Variants in MMP26 observed in about 807,000 individuals in gnomAD.
MMP26 encodes the protein matrix metallopeptidase 26, also known as matrix metalloproteinase-26.
In MMP26, 33 loss-of-function variants were observed where a neutral mutation model predicts 31.0. The ratio of observed to expected loss-of-function variants is 1.06; its 90% CI spans 0.81 to 1.42. The LOEUF (loss-of-function observed/expected upper bound fraction) is 1.42. Ranked by LOEUF, MMP26 falls within the 40% of genes most tolerant of loss-of-function variation. The probability of loss-of-function intolerance (pLI) is 0.00; values close to 1 mark genes in which losing one functional copy is unlikely to be tolerated. For synonymous variants in MMP26, 122 were observed against 114.9 expected, an observed-to-expected ratio of 1.06 and a Z score of -0.40; for missense variants, 347 against 316.1, an observed-to-expected ratio of 1.10 and a Z score of -0.74.
At chr11:4,789,827 T>G (rs1223084263) in intron 2 of MMP26, among the ~76,000 whole-genome samples, 1 of 151,914 alleles carries the variant, frequency 6.6e-6, no homozygotes, top group African/African-American at 2.4e-5. Flanking sequence ...TTCACAGGTG[T>G]GAAGGATATC....
At chr11:4,986,222 T>C (rs540412147) in intron 2 of MMP26, among the ~76,000 whole-genome samples, 122 of 152,294 alleles carry the variant, frequency 8.0e-4, no homozygotes, top group African/African-American at 2.9e-3. Context: ...CCTATAAAAT[T>C]TTTATACTAT....
intron 1 of MMP26, among the ~76,000 whole-genome samples, chr11:4,747,198 A>G (rs949295538): frequency 6.6e-6 from 1 of 152,186 alleles, no homozygotes; most frequent in Admixed American, 6.5e-5. Context: ...TAGATATGAC[A>G]GAGGTATAGA....
chr11:4,968,129 G>C (rs1846620388), intron 2 of MMP26, among the ~76,000 whole-genome samples: 1 of 152,016 alleles, frequency 6.6e-6, no homozygotes, highest in East Asian at 1.9e-4. Flanking sequence ...TTGCTTCTGT[G>C]ACACCCAACA....
chr11:4,775,621 G>A lies in MMP26; in HGVS notation c.-145+8280G>A, dbSNP rs150801639. ...TATTTGGCTCATGGTTCTGCAGGCT[G>A]TACAGAAATCATGGTGTCAGCATCA... On this transcript the variant is annotated intron_variant, in intron 2 of 7. Transcript: ENST00000380390. Among the ~76,000 whole-genome samples, 162 of 152,238 alleles carry A rather than the reference G, an allele frequency of 1.1e-3. 1 individual carries two copies. Among genetic ancestry groups the A allele is most frequent in the African/African-American group, 3.8e-3 (159 of 41,538 alleles).
chr11:4,757,434 A>G (rs1391728581), intron 1 of MMP26, among the ~76,000 whole-genome samples: 1 of 152,150 alleles, frequency 6.6e-6, no homozygotes, highest in East Asian at 1.9e-4. Context: ...ACATTATTAG[A>G]TACCATATTA....
At chr11:4,708,094 A>T (rs529238085) in intron 1 of MMP26, among the ~76,000 whole-genome samples, 1 of 152,294 alleles carries the variant, frequency 6.6e-6, no homozygotes, top group South Asian at 2.1e-4. Context: ...CCCTATTATC[A>T]GGGCAGGAGT....
chr11:4,705,298 A>T (rs775375452), intron 1 of MMP26, among the ~76,000 whole-genome samples: 2 of 152,136 alleles, frequency 1.3e-5, no homozygotes, highest in South Asian at 2.1e-4. Flanking sequence ...TTAAATAAGG[A>T]GTTTGCGAGA....
intron 1 of MMP26, among the ~76,000 whole-genome samples, chr11:4,740,125 A>G (rs12226038): frequency 6.6e-6 from 1 of 152,002 alleles, no homozygotes; most frequent in South Asian, 2.1e-4. Flanking sequence ...AAATCAGTTT[A>G]TCATTCAGTT....
chr11:4,869,566 C>A (rs1391063644), intron 2 of MMP26, among the ~76,000 whole-genome samples: 1 of 152,134 alleles, frequency 6.6e-6, no homozygotes, highest in Non-Finnish European at 1.5e-5. Flanking sequence ...AGTCAGGAAA[C>A]AACAGGTGCT....
At chr11:4,706,713 G>A (rs916794232) in intron 1 of MMP26, among the ~76,000 whole-genome samples, 4 of 151,900 alleles carry the variant, frequency 2.6e-5, no homozygotes, top group Non-Finnish European at 5.9e-5. Flanking sequence ...CAGATCTCTG[G>A]AACTAATTCT....
chr11:4,819,502 C>A lies in MMP26; in HGVS notation c.-145+52161C>A, dbSNP rs142363551. ...TAAAATAATGAGGGAGAGAAAATTT[C>A]CAGAATCATCAACAAAATATGTATT... On this transcript the variant is annotated intron_variant, in intron 2 of 7. Coordinates refer to ENST00000380390, the MANE Select transcript of MMP26 (RefSeq NM_021801.5). Among the ~76,000 whole-genome samples, 10 of 147,832 alleles carry A rather than the reference C, an allele frequency of 6.8e-5. No individual in the cohort carries two copies. In the East Asian group the frequency reaches 2.0e-3, roughly 29 times the overall value.
intron 1 of MMP26, among the ~76,000 whole-genome samples, chr11:4,759,802 G>A (rs1460201434): frequency 2.0e-5 from 3 of 152,286 alleles, no homozygotes; most frequent in South Asian, 2.1e-4. Flanking sequence ...TTGCACATGC[G>A]TTGTTTCTCG....
At chr11:4,925,894 C>A (rs1044908994) in intron 2 of MMP26, among the ~76,000 whole-genome samples, 1 of 151,978 alleles carries the variant, frequency 6.6e-6, no homozygotes, top group Non-Finnish European at 1.5e-5. Flanking sequence ...ACTGGCAAAG[C>A]ATTGTAAGGG....
chr11:4,943,658 C>T (rs1446482928), intron 2 of MMP26: 1 of 360,100 alleles, frequency 2.8e-6, no homozygotes, highest in African/African-American at 2.1e-5. Context: ...CAGACATTGC[C>T]AAATGTCTCT....
Position 4,948,894 on chromosome 11 carries a change from C to T in MMP26, c.-144-39174C>T, listed in dbSNP as rs1289349629. ...TGGTTATGTTGTCAAGAATTCTCTCCTTCCACTGTTGCTTTTTCTCTTAGC... is the reference window on the plus strand; with the variant it reads ...TGGTTATGTTGTCAAGAATTCTCTCTTTCCACTGTTGCTTTTTCTCTTAGC... On this transcript the variant is annotated intron_variant, in intron 2 of 7. Transcript: ENST00000380390. Among the ~76,000 whole-genome samples the T allele has an allele frequency of 1.6e-5, 2 of 124,606 alleles. 1 individual carries two copies. The highest frequency in any genetic ancestry group is 3.6e-5 in the Non-Finnish European group (2 of 54,800). The allele number at this position is 124,606 out of a possible 152,430, so 81.7% of individuals were successfully genotyped here.
chr11:4,749,530 C>G (rs1026327617), intron 1 of MMP26, among the ~76,000 whole-genome samples: 3 of 152,018 alleles, frequency 2.0e-5, no homozygotes, highest in African/African-American at 7.2e-5. Context: ...TCAAATTGTA[C>G]TACAAGGCTA....
intron 1 of MMP26, chr11:4,710,334 C>A (rs1475651757): frequency 4.4e-6 from 2 of 456,874 alleles, no homozygotes; most frequent in South Asian, 3.1e-5. Flanking sequence ...CTTCTACATC[C>A]CCATGATCAG....
At position 4,990,858 on chromosome 11, in the gene MMP26, G is replaced by C. The variant is rs558264901; in HGVS notation, c.469+112G>C. On this transcript the variant is annotated intron_variant, in intron 5 of 7. Transcript: ENST00000380390. ...CCTATTAAAGTTTCTGAGAAAAAAA[G>C]TCTGACAAAACCCTACTGCAAAGCA... is the stretch of plus-strand genomic sequence containing the variant. The C allele has an allele frequency of 4.4e-5, 53 of 1,203,170 alleles. No individual in the cohort carries two copies. The East Asian group carries it at 9.0e-4, about 21-fold the overall frequency. 74.5% of individuals were successfully genotyped at this position (1,203,170 alleles called of 1,614,324 possible). A position where few individuals can be genotyped will look rare whatever the true frequency, so the allele number is the denominator to read the frequency against.
In MMP26 at chr11:4,992,045, T is replaced by C. The variant is rs767125437; in HGVS notation, c.677T>C (p.Met226Thr). 2.5e-5 allele frequency: 40 copies of C among 1,613,948 alleles called. No homozygotes were observed. The highest frequency in any genetic ancestry group is 3.1e-5 in the Non-Finnish European group (36 of 1,180,004). The change falls in exon 7 of 8, where the codon ATG becomes ACG. Residue 226 changes from methionine (M) to threonine (T), a missense_variant. Physicochemically the swap from Met to Thr is moderately conservative, Grantham distance 81. Coordinates refer to ENST00000380390, the MANE Select transcript of MMP26 (RefSeq NM_021801.5). ...CACTCTGGGAATCAGAGCTCCATAA[T>C]GTACCCCACTTACTGGTATCACGAC... Reference protein sequence around the residue: ...LQHSGNQSSIMYPTYWYHDPR... With the variant: ...LQHSGNQSSITYPTYWYHDPR...
Sources: allele counts gnomAD v4.1 joint callset (sites outside exome capture counted in the v4.1 genomes callset), GRCh38; gene constraint gnomAD v4.1.1; transcripts MANE v1.5; gene names NCBI Gene and HGNC (gene_info 2026-07-23, HGNC 2026-07-21).